The following INSL6 variants were observed in gnomAD, a reference collection of about 807,000 sequenced individuals.
INSL6 encodes insulin like 6.
INSL6 carries 16 observed loss-of-function variants against 9.4 expected under a neutral mutation model. The observed-to-expected ratio is 1.70, with a 90% CI of 1.15 to 2.59. The LOEUF (loss-of-function observed/expected upper bound fraction) is 2.59, where lower values mean the gene tolerates loss of function less well. Ranked by LOEUF, INSL6 falls within the 30% of genes most tolerant of loss-of-function variation. The pLI is 0.00. For synonymous variants in INSL6, 154 were observed against 96.9 expected, an observed-to-expected ratio of 1.59 and a Z score of -3.46; for missense variants, 391 against 257.3, an observed-to-expected ratio of 1.52 and a Z score of -3.56.
the INSL6 span, chr9:5,111,888 T>G: frequency 2.7e-6 from 1 of 363,960 alleles, no homozygotes; most frequent in Non-Finnish European, 5.4e-6. Flanking sequence ...CCAGCAGCTC[T>G]GGGGACGCCC....
At chr9:5,100,516 T>C in the INSL6 span, 4 of 152,232 alleles carry the variant, frequency 2.6e-5, no homozygotes, top group African/African-American at 9.6e-5. Context: ...GTATTCTTCT[T>C]TGCTGGTTTC....
the INSL6 span, among the ~76,000 whole-genome samples, chr9:5,115,655 C>G: frequency 6.6e-6 from 1 of 152,154 alleles, no homozygotes; most frequent in African/African-American, 2.4e-5. Context: ...AGACTTGGAA[C>G]CAACCCAAAT....
At chr9:5,054,661 A>C in the INSL6 span, 1 of 1,613,362 alleles carries the variant, frequency 6.2e-7, no homozygotes, top group Non-Finnish European at 8.5e-7. The surrounding 1 kb of genome is among the most constrained non-coding windows in gnomAD (Gnocchi z 4.9). Flanking sequence ...AGATTTATTC[A>C]GCAATTCAGC....
chr9:5,056,603 G>C, the INSL6 span, among the ~76,000 whole-genome samples: 2 of 152,096 alleles, frequency 1.3e-5, no homozygotes, highest in African/African-American at 4.8e-5. Flanking sequence ...TGAGCCTTTT[G>C]AAGGTAAGGA....
the INSL6 span, among the ~76,000 whole-genome samples, chr9:4,998,448 G>C: frequency 1.3e-5 from 2 of 152,042 alleles, no homozygotes; most frequent in Admixed American, 1.3e-4. Context: ...GTAGAGACGG[G>C]GTTTCACCAT....
the INSL6 span, chr9:5,072,485 C>G: frequency 2.0e-6 from 3 of 1,535,186 alleles, no homozygotes; most frequent in Non-Finnish European, 2.6e-6. Context: ...ACCTTTTTCT[C>G]TTGAAGAATG....
chr9:5,059,119 A>G, the INSL6 span, among the ~76,000 whole-genome samples: 1 of 152,208 alleles, frequency 6.6e-6, no homozygotes, highest in Non-Finnish European at 1.5e-5. Context: ...TCTTACGTGT[A>G]TAGCTCAATG....
chr9:5,121,884 G>C (rs1286718401), downstream of INSL6, among the ~76,000 whole-genome samples: 1 of 152,158 alleles, frequency 6.6e-6, no homozygotes, highest in Non-Finnish European at 1.5e-5. Flanking sequence ...CAGAGGAAGA[G>C]CATATTTTGC....
chr9:5,110,803 T>C, the INSL6 span: 1 of 421,342 alleles, frequency 2.4e-6, no homozygotes, highest in Non-Finnish European at 4.6e-6. Context: ...GCGCGACGCC[T>C]GGGGGCCCTG....
chr9:5,145,423 G>T (rs1164964138), intron 2 of INSL6, among the ~76,000 whole-genome samples: 1 of 152,110 alleles, frequency 6.6e-6, no homozygotes. Flanking sequence ...AGATTCTGAT[G>T]ATTAAGCATC....
At chr9:5,041,273 G>T in the INSL6 span, 1 of 1,182,558 alleles carries the variant, frequency 8.5e-7, no homozygotes, top group Non-Finnish European at 1.2e-6. Context: ...CCTCGGGCTG[G>T]CCAAGGGGTA....
the INSL6 span, chr9:5,113,892 G>T: frequency 4.5e-6 from 1 of 223,620 alleles, no homozygotes; most frequent in Admixed American, 5.3e-5. Context: ...AGATCTTACA[G>T]TCCTCCTGTG....
the INSL6 span, among the ~76,000 whole-genome samples, chr9:5,026,709 TTG>T: frequency 1.3e-5 from 2 of 152,166 alleles, no homozygotes; most frequent in South Asian, 4.1e-4. Flanking sequence ...GTGTTTGTGC[TTG>T]TGTGTGTACG....
chr9:5,178,969 A>T (rs532254913), intron 1 of INSL6, among the ~76,000 whole-genome samples: 1 of 152,258 alleles, frequency 6.6e-6, no homozygotes, highest in African/African-American at 2.4e-5. Flanking sequence ...TTCAAAACAA[A>T]AACACCAAAA....
the INSL6 span, chr9:5,085,675 C>A: frequency 1.4e-6 from 1 of 733,814 alleles, no homozygotes; most frequent in Non-Finnish European, 2.5e-6. Flanking sequence ...CGAGAACGTG[C>A]ATTATCAATA....
the INSL6 span, chr9:5,097,049 A>G: frequency 2.6e-5 from 4 of 152,098 alleles, no homozygotes; most frequent in East Asian, 7.7e-4. Context: ...TGAACAGTTT[A>G]TCCCCCTTTA....
chr9:5,163,470 G>C (rs1040692323), downstream of INSL6, among the ~76,000 whole-genome samples: 7 of 152,136 alleles, frequency 4.6e-5, no homozygotes, highest in Non-Finnish European at 7.4e-5. Flanking sequence ...CAGCACAAGG[G>C]CTTCTACCAG....
At chr9:5,018,287 G>A in the INSL6 span, among the ~76,000 whole-genome samples, 4 of 151,932 alleles carry the variant, frequency 2.6e-5, no homozygotes, top group South Asian at 2.1e-4. Context: ...TGATACTTTC[G>A]TCATCTGTTT....
chr9:5,132,569 T>C (rs1169060924), intron 3 of INSL6, among the ~76,000 whole-genome samples: 3 of 151,848 alleles, frequency 2.0e-5, no homozygotes, highest in Admixed American at 6.6e-5. Context: ...AAAAAAAGAC[T>C]ATCCATATTG....
Sources: allele counts gnomAD v4.1 joint callset (sites outside exome capture counted in the v4.1 genomes callset), GRCh38; gene constraint gnomAD v4.1.1; non-coding constraint Gnocchi (gnomAD v3.1); transcripts MANE v1.5; gene names NCBI Gene and HGNC (gene_info 2026-07-23, HGNC 2026-07-21).